Variants in JMJD7 observed in about 807,000 individuals in gnomAD.
JMJD7 encodes jumonji domain containing 7.
Under a neutral mutation model 41.1 loss-of-function variants are expected in JMJD7, and 41 were observed. The ratio of observed to expected loss-of-function variants is 1.00; its 90% CI spans 0.78 to 1.30. The LOEUF is 1.30. JMJD7 is among the 50% of genes most tolerant of loss of function. The pLI is 0.00. For missense variants in JMJD7, 480 were observed against 420.7 expected (o/e 1.14, Z -1.23); for synonymous variants, 202 against 177.2 (o/e 1.14, Z -1.11).
In JMJD7 at chr15:41,836,863, C is replaced by T. The variant is rs140543634; in HGVS notation, c.785C>T (p.Thr262Met). 2.1e-4 allele frequency: 343 copies of T among 1,613,260 alleles called. 1 individual carries two copies. In the East Asian group the frequency reaches 6.6e-3, roughly 31 times the overall value. ...SYSQAQALRC[T>M]VRAGEMLYLP... is the part of the protein sequence containing the mutation. ...AGTCAGGCCCAGGCCCTTCGCTGCA[C>T]GGTGCGGGCCGGTGAGATGCTCTAT... The change falls in exon 7 of 8, where the codon ACG becomes ATG. Residue 262 changes from threonine (T) to methionine (M), a missense_variant. Coordinates refer to ENST00000397299, the MANE Select transcript of JMJD7 (RefSeq NM_001114632.2).
In JMJD7 at chr15:41,835,697, A is replaced by C. The variant is rs902590839; in HGVS notation, c.529+53A>C. 16 of 1,580,166 alleles carry C rather than the reference A, an allele frequency of 1.0e-5. No individual in the cohort carries two copies. The African/African-American group carries it at 1.8e-4, about 17-fold the overall frequency. ...GGAAGGAGCAGGTTGGGGCAGAGGGAGGGAAGACGAGGCCAGGAGTGGAGG... is the reference window on the plus strand; with the variant it reads ...GGAAGGAGCAGGTTGGGGCAGAGGGCGGGAAGACGAGGCCAGGAGTGGAGG... On this transcript the variant is annotated intron_variant, in intron 4 of 7. Coordinates refer to ENST00000397299, the MANE Select transcript of JMJD7 (RefSeq NM_001114632.2).
At position 41,834,665 on chromosome 15, in the gene JMJD7, G is replaced by A. The variant is rs982743888; in HGVS notation, c.65-75G>A. Reference sequence around the variant, plus strand: ...AGTGACACAGCGCGGCCTTTCCAGGGAGGGCATCTCTTGGGCAGGGACTGG... The same window carrying A: ...AGTGACACAGCGCGGCCTTTCCAGGAAGGGCATCTCTTGGGCAGGGACTGG... On this transcript the variant is annotated intron_variant, in intron 1 of 7. Transcript: ENST00000397299. The A allele has an allele frequency of 3.1e-5, 49 of 1,563,544 alleles. 1 individual carries two copies. The highest frequency in any genetic ancestry group is 5.2e-6 in the Non-Finnish European group (6 of 1,154,414).
intron 1 of JMJD7, among the ~76,000 whole-genome samples, chr15:41,833,694 A>G (rs1340969405): frequency 1.3e-5 from 2 of 152,020 alleles, no homozygotes; most frequent in Admixed American, 6.6e-5. Context: ...TGCTGGGATT[A>G]CAGACATGAG....
intron 1 of JMJD7, among the ~76,000 whole-genome samples, chr15:41,832,210 C>G (rs910830588): frequency 6.6e-5 from 10 of 152,242 alleles, no homozygotes; most frequent in African/African-American, 2.4e-4. Context: ...CGCTCACACA[C>G]CCCTCGCTGC....
chr15:41,828,428 C>T (rs1284374903), intron 1 of JMJD7: 14 of 433,840 alleles, frequency 3.2e-5, no homozygotes, highest in South Asian at 2.2e-4. Context: ...CGCGGCGAAG[C>T]CCTGTGTTTC....
intron 4 of JMJD7, among the ~76,000 whole-genome samples, chr15:41,835,898 AG>A (rs912801850): frequency 1.3e-5 from 2 of 152,182 alleles, no homozygotes; most frequent in Admixed American, 1.3e-4. Flanking sequence ...CCGCTGGGCC[AG>A]GGGGTAAGTG....
Position 41,836,802 on chromosome 15 carries a change from C to A in JMJD7, c.724C>A (p.Pro242Thr), listed in dbSNP as rs1467538925. 4 of 1,610,834 alleles carry A rather than the reference C, an allele frequency of 2.5e-6. No homozygotes were observed. The East Asian group carries it at 8.9e-5, about 36-fold the overall frequency. ...CCAGGTGCCCTGGATCCCACTGGACCCCTTGGCGCCAGACCTAGCACGGTA... is the reference window on the plus strand; with the variant it reads ...CCAGGTGCCCTGGATCCCACTGGACACCTTGGCGCCAGACCTAGCACGGTA... ...MEKVPWIPLD[P>T]LAPDLARYPS... Residue 242 changes from proline (P) to threonine (T), a missense_variant, in exon 7 of 8, where the codon CCC becomes ACC. Physicochemically the swap from Pro to Thr is conservative, Grantham distance 38. Coordinates refer to ENST00000397299, the MANE Select transcript of JMJD7 (RefSeq NM_001114632.2).
intron 1 of JMJD7, among the ~76,000 whole-genome samples, chr15:41,833,005 T>C (rs747859013): frequency 6.6e-6 from 1 of 152,152 alleles, no homozygotes; most frequent in South Asian, 2.1e-4. Context: ...GAAATCAGAC[T>C]GGAAGAGTAG....
intron 1 of JMJD7, chr15:41,829,174 A>T (rs527877049): frequency 6.6e-6 from 1 of 152,286 alleles, no homozygotes. Flanking sequence ...AGTACATTGT[A>T]GAGTAGAAGA....
chr15:41,831,649 C>T (rs748298798), intron 1 of JMJD7, among the ~76,000 whole-genome samples: 3 of 152,174 alleles, frequency 2.0e-5, no homozygotes, highest in African/African-American at 4.8e-5. Flanking sequence ...GACTACCTGC[C>T]TGCAGAGAGA....
At chr15:41,836,295 G>A in intron 5 of JMJD7, 52 bp downstream of exon 5, 3 of 1,607,204 alleles carry the variant, frequency 1.9e-6, no homozygotes, top group Non-Finnish European at 2.6e-6. Context: ...GCCCAAGGGG[G>A]AGGGAGGCAG....
At chr15:41,828,395 C>T in intron 1 of JMJD7, 2 of 532,024 alleles carry the variant, frequency 3.8e-6, no homozygotes, top group Non-Finnish European at 6.0e-6. Flanking sequence ...GTTCCCAAGG[C>T]CCGGTGCCGT....
Position 41,835,041 on chromosome 15 carries a change from A to G in JMJD7, c.290A>G (p.Asp97Gly). 2 of 1,613,878 alleles carry G rather than the reference A, an allele frequency of 1.2e-6. No individual in the cohort carries two copies. Among genetic ancestry groups the G allele is most frequent in the East Asian group, 4.5e-5 (2 of 44,876 alleles). The stretch of plus-strand genomic sequence containing the variant: ...GGTTACGCGGATGCCGTGAGAGGGG[A>G]TCGCTTCATGATGCCAGCTGAGCGC... ...PDGYADAVRG[D>G]RFMMPAERRL... The change falls in exon 3 of 8, where the codon GAT (aspartate) becomes GGT (glycine). Residue 97 changes from aspartate (D) to glycine (G), a missense_variant. Transcript: ENST00000397299.
At chr15:41,833,786 G>T (rs780857628) in intron 1 of JMJD7, among the ~76,000 whole-genome samples, 3 of 152,052 alleles carry the variant, frequency 2.0e-5, no homozygotes, top group Non-Finnish European at 4.4e-5. Flanking sequence ...GGGATATAAA[G>T]ATTTGCAGCA....
rs1453734196 is a variant in JMJD7, at chr15:41,834,659, T to C, written c.65-81T>C. On this transcript the variant is annotated intron_variant, in intron 1 of 7. Coordinates refer to ENST00000397299, the MANE Select transcript of JMJD7 (RefSeq NM_001114632.2). ...TTTCCCAGTGACACAGCGCGGCCTT[T>C]CCAGGGAGGGCATCTCTTGGGCAGG... 4.5e-6 allele frequency: 7 copies of C among 1,558,458 alleles called. No individual in the cohort carries two copies. The Admixed American group carries it at 9.1e-5, about 20-fold the overall frequency.
intron 1 of JMJD7, among the ~76,000 whole-genome samples, chr15:41,830,575 CT>C (rs1333966853): frequency 6.6e-6 from 1 of 152,128 alleles, no homozygotes; most frequent in Non-Finnish European, 1.5e-5. Context: ...CCCCTGTGCT[CT>C]TGGGAGCTAG....
chr15:41,835,538 C>G (rs780923608), intron 3 of JMJD7, 50 bp from the exon 4 acceptor site: 1 of 1,591,764 alleles, frequency 6.3e-7, no homozygotes, highest in Non-Finnish European at 8.6e-7. Flanking sequence ...TGGATGGCAG[C>G]TTTCCCCAGC....
rs2065286763 is a variant in JMJD7 at position 41,834,900 on chromosome 15, G to C, written c.218+7G>C. 1 of 1,613,712 alleles carries C rather than the reference G, an allele frequency of 6.2e-7. No homozygotes were observed. The highest frequency in any genetic ancestry group is 1.1e-5 in the South Asian group (1 of 91,068). On this transcript the variant is annotated splice_region_variant and intron_variant, in intron 2 of 7. Transcript: ENST00000397299. ...GGTCCCTCCCCTATTTCAGGTGGGAGCTGCCCTGGGGTCAGGTGTGAGCAG... is the reference window on the plus strand; with the variant it reads ...GGTCCCTCCCCTATTTCAGGTGGGACCTGCCCTGGGGTCAGGTGTGAGCAG...
intron 1 of JMJD7, among the ~76,000 whole-genome samples, chr15:41,831,615 T>G (rs1336846105): frequency 6.6e-6 from 1 of 152,110 alleles, no homozygotes; most frequent in Non-Finnish European, 1.5e-5. Flanking sequence ...GGAACAAAGC[T>G]CTGCTGAGCT....
Sources: allele counts gnomAD v4.1 joint callset (sites outside exome capture counted in the v4.1 genomes callset), GRCh38; gene constraint gnomAD v4.1.1; transcripts MANE v1.5; gene names NCBI Gene and HGNC (gene_info 2026-07-23, HGNC 2026-07-21).